TIGD1: variants seen among roughly 807,000 people sequenced by gnomAD.
The protein encoded by TIGD1 is tigger transposable element derived 1.
In TIGD1, 20 loss-of-function variants were observed where a neutral mutation model predicts 21.3. The ratio of observed to expected loss-of-function variants is 0.94; its 90% CI spans 0.66 to 1.36. The LOEUF (loss-of-function observed/expected upper bound fraction) is 1.36. Ranked by LOEUF, TIGD1 falls within the 40% of genes most tolerant of loss-of-function variation. TIGD1 has a pLI of 0.00. For synonymous variants in TIGD1, 177 were observed against 123.2 expected (o/e 1.44, Z -2.89); for missense variants, 556 against 350.5 (o/e 1.59, Z -4.68).
Position 232,548,733 on chromosome 2 carries a change from T to C in TIGD1, c.1150A>G (p.Ile384Val), listed in dbSNP as rs1024135328. ...FWKGFTILDAIKNIRDSWEEV... is the reference protein window; with the variant it reads ...FWKGFTILDAVKNIRDSWEEV... ...TCCCATGAATCACGAATGTTTTTAATGGCATCTAAAATGGTGAATCCTTTC... is the reference window on the plus strand; with the variant it reads ...TCCCATGAATCACGAATGTTTTTAACGGCATCTAAAATGGTGAATCCTTTC... Residue 384 changes from isoleucine (I) to valine (V), a missense_variant, in exon 1 of 1, where the codon ATT (isoleucine) becomes GTT (valine). Physicochemically the swap from Ile to Val is conservative, Grantham distance 29. Transcript: ENST00000408957. 1 of 504,650 alleles carries C rather than the reference T, an allele frequency of 2.0e-6. No homozygotes were observed. Among genetic ancestry groups the C allele is most frequent in the Non-Finnish European group, 3.8e-6 (1 of 262,414 alleles). The allele number at this position is 504,650 out of a possible 1,614,324, so 31.3% of individuals were successfully genotyped here.
At position 232,545,328 on chromosome 2, in the gene TIGD1, AAAAAG is replaced by A; in HGVS notation, c.*2774_*2778del. Among the ~76,000 whole-genome samples, 1 of 150,326 alleles carries A rather than the reference AAAAAG, an allele frequency of 6.7e-6. No homozygotes were observed. The highest frequency in any genetic ancestry group is 1.5e-5 in the Non-Finnish European group (1 of 67,554). ...CGTGAGACTCCGTCTCAAAAAAAAA[AAAAAG>A]GAAAGAAAGAAAGAAAAAGGAACAG... On this transcript the variant is annotated 3_prime_UTR_variant, in exon 1 of 1. Coordinates refer to ENST00000408957, the MANE Select transcript of TIGD1 (RefSeq NM_145702.4).
rs559878427 is a variant in TIGD1, at chr2:232,547,474, G to C, written c.*633C>G. The stretch of plus-strand genomic sequence containing the variant: ...AGAAAAGTGAAAGTGCCACATAAAG[G>C]CCTGACGACAGGATATGCTGGCAGG... On this transcript the variant is annotated 3_prime_UTR_variant, in exon 1 of 1. Coordinates refer to ENST00000408957, the MANE Select transcript of TIGD1 (RefSeq NM_145702.4). 1.3e-5 allele frequency among the ~76,000 whole-genome samples: 2 copies of C among 152,244 alleles called. No homozygotes were observed. The highest frequency in any genetic ancestry group is 4.8e-5 in the African/African-American group (2 of 41,540).
In TIGD1 at chr2:232,544,566, C is replaced by T. The variant is rs778354120; in HGVS notation, c.*3541G>A. The T allele has an allele frequency of 1.4e-5, 23 of 1,612,872 alleles. No individual in the cohort carries two copies. The highest frequency in any genetic ancestry group is 2.2e-5 in the East Asian group (1 of 44,864). On this transcript the variant is annotated 3_prime_UTR_variant, in exon 1 of 1. Transcript: ENST00000408957. Reference sequence around the variant, plus strand: ...CAGCGGCAAGGGCTGGTGGCGGCAGCGCTGGAGAAGCTAGGTGAGACACAC... The same window carrying T: ...CAGCGGCAAGGGCTGGTGGCGGCAGTGCTGGAGAAGCTAGGTGAGACACAC...
Position 232,545,842 on chromosome 2 carries a change from C to A in TIGD1, c.*2265G>T. 1 of 1,082,840 alleles carries A rather than the reference C, an allele frequency of 9.2e-7. No individual in the cohort carries two copies. Among genetic ancestry groups the A allele is most frequent in the Non-Finnish European group, 1.4e-6 (1 of 719,544 alleles). The allele number at this position is 1,082,840 out of a possible 1,614,324, so 67.1% of individuals were successfully genotyped here. On this transcript the variant is annotated 3_prime_UTR_variant, in exon 1 of 1. Transcript: ENST00000408957. ...GAAGTGCCCTTCAGGACTGTGTGAGCCAAACAGCCCTGAGAAAAGCTGGGG... is the reference window on the plus strand; with the variant it reads ...GAAGTGCCCTTCAGGACTGTGTGAGACAAACAGCCCTGAGAAAAGCTGGGG...
Position 232,549,108 on chromosome 2 carries a change from A to C in TIGD1, c.775T>G (p.Tyr259Asp), listed in dbSNP as rs754923442. ...NYTKSTLPVLYKWNSKARMTA... is the reference protein window; with the variant it reads ...NYTKSTLPVLDKWNSKARMTA... Reference sequence around the variant, plus strand: ...ATCCGGGCTTTGCTGTTCCATTTATATAGCACGGGTAGAGTAGATTTAGTA... The same window carrying C: ...ATCCGGGCTTTGCTGTTCCATTTATCTAGCACGGGTAGAGTAGATTTAGTA... Residue 259 changes from tyrosine to aspartate, a missense_variant, in exon 1 of 1, where the codon TAT becomes GAT. Coordinates refer to ENST00000408957, the MANE Select transcript of TIGD1 (RefSeq NM_145702.4). 1.3e-5 allele frequency: 9 copies of C among 716,016 alleles called. No individual in the cohort carries two copies. The African/African-American group carries it at 1.6e-4, about 13-fold the overall frequency. 44.4% of individuals were successfully genotyped at this position (716,016 alleles called of 1,614,324 possible). A position where few individuals can be genotyped will look rare whatever the true frequency, so the allele number is the denominator to read the frequency against.
Position 232,548,484 on chromosome 2 carries a change from T to C in TIGD1, c.1399A>G (p.Arg467Gly). Reference protein sequence around the residue: ...DEELFLMDAQRKWFLEMESTP... With the variant: ...DEELFLMDAQGKWFLEMESTP... ...GATTCCATCTCAAGAAACCACTTTC[T>C]TTGCGCATCCATAAGAAACAACTCC... Residue 467 changes from arginine to glycine, a missense_variant, in exon 1 of 1, where the codon AGA becomes GGA. Arg to Gly is a moderately radical substitution (Grantham distance 125). Coordinates refer to ENST00000408957, the MANE Select transcript of TIGD1 (RefSeq NM_145702.4). 4.5e-6 allele frequency: 3 copies of C among 666,582 alleles called. No homozygotes were observed. Among genetic ancestry groups the C allele is most frequent in the Non-Finnish European group, 8.1e-6 (3 of 372,582 alleles). The allele number at this position is 666,582 out of a possible 1,614,324, so 41.3% of individuals were successfully genotyped here.
At position 232,546,523 on chromosome 2, in the gene TIGD1, T is replaced by G. The variant is rs1439145404; in HGVS notation, c.*1584A>C. ...CCACTACACCCAGCTACTTTTAAAT[T>G]TTTAGTAGAGATGAGGTTTTGCTAT... On this transcript the variant is annotated 3_prime_UTR_variant, in exon 1 of 1. Transcript: ENST00000408957. 1 of 151,914 alleles carries G rather than the reference T, an allele frequency of 6.6e-6. No individual in the cohort carries two copies. Among genetic ancestry groups the G allele is most frequent in the Admixed American group, 6.6e-5 (1 of 15,254 alleles). The allele number at this position is 151,914 out of a possible 1,614,324, so 9.4% of individuals were successfully genotyped here. A position where few individuals can be genotyped will look rare whatever the true frequency, so the allele number is the denominator to read the frequency against.
rs1233474420 is a variant in TIGD1 at position 232,545,809 on chromosome 2, C to A, written c.*2298G>T. 3 of 1,420,102 alleles carry A rather than the reference C, an allele frequency of 2.1e-6. No homozygotes were observed. In the African/African-American group the frequency reaches 4.2e-5, roughly 20 times the overall value. 88.0% of individuals were successfully genotyped at this position (1,420,102 alleles called of 1,614,324 possible). A position where few individuals can be genotyped will look rare whatever the true frequency, so the allele number is the denominator to read the frequency against. The stretch of plus-strand genomic sequence containing the variant: ...TTCTCCTACTGAGGTCCTAAGTGTG[C>A]TCTTTGGGAAGTGCCCTTCAGGACT... On this transcript the variant is annotated 3_prime_UTR_variant, in exon 1 of 1. Coordinates refer to ENST00000408957, the MANE Select transcript of TIGD1 (RefSeq NM_145702.4).
In TIGD1 at chr2:232,549,123, T is replaced by A; in HGVS notation, c.760A>T (p.Thr254Ser). The A allele has an allele frequency of 1.4e-6, 1 of 715,950 alleles. No individual in the cohort carries two copies. Among genetic ancestry groups the A allele is most frequent in the Non-Finnish European group, 2.6e-6 (1 of 384,816 alleles). The allele number at this position is 715,950 out of a possible 1,614,324, so 44.3% of individuals were successfully genotyped here. The change falls in exon 1 of 1, where the codon ACT (threonine) becomes TCT (serine). Residue 254 changes from threonine to serine, a missense_variant. Physicochemically the swap from Thr to Ser is moderately conservative, Grantham distance 58 (BLOSUM62 1). Coordinates refer to ENST00000408957, the MANE Select transcript of TIGD1 (RefSeq NM_145702.4). ...TTCCATTTATATAGCACGGGTAGAG[T>A]AGATTTAGTATAATTCTTAAGGGCC... ...PRALKNYTKS[T>S]LPVLYKWNSK...
Position 232,550,352 on chromosome 2 carries a change from G to A in TIGD1, c.-470C>T. On this transcript the variant is annotated 5_prime_UTR_variant, in exon 1 of 1. The change creates a new upstream start codon in the 5' untranslated region. Coordinates refer to ENST00000408957, the MANE Select transcript of TIGD1 (RefSeq NM_145702.4). ...GGTCAAAAGAGATACCAGAGAGTGCGTCCCGCACTGGAGGAAGAGGAAGGT... is the reference window on the plus strand; with the variant it reads ...GGTCAAAAGAGATACCAGAGAGTGCATCCCGCACTGGAGGAAGAGGAAGGT... The A allele has an allele frequency of 2.4e-6, 1 of 408,500 alleles. No homozygotes were observed. 25.3% of individuals were successfully genotyped at this position (408,500 alleles called of 1,614,324 possible). A position where few individuals can be genotyped will look rare whatever the true frequency, so the allele number is the denominator to read the frequency against.
chr2:232,544,315 C>G lies in TIGD1; in HGVS notation c.*3792G>C. 1 of 1,403,974 alleles carries G rather than the reference C, an allele frequency of 7.1e-7. No individual in the cohort carries two copies. The highest frequency in any genetic ancestry group is 1.2e-5 in the South Asian group (1 of 86,822). 87.0% of individuals were successfully genotyped at this position (1,403,974 alleles called of 1,614,324 possible). A position where few individuals can be genotyped will look rare whatever the true frequency, so the allele number is the denominator to read the frequency against. On this transcript the variant is annotated 3_prime_UTR_variant, in exon 1 of 1. Transcript: ENST00000408957. Reference sequence around the variant, plus strand: ...ACAAGCCCTTCACGCCAACCTCTGGCTTCTGCTCTGAAGCTCGGCCTGCTG... The same window carrying G: ...ACAAGCCCTTCACGCCAACCTCTGGGTTCTGCTCTGAAGCTCGGCCTGCTG...
Position 232,544,256 on chromosome 2 carries a change from G to A in TIGD1, c.*3851C>T. The A allele has an allele frequency of 1.2e-6, 1 of 857,542 alleles. No homozygotes were observed. The highest frequency in any genetic ancestry group is 2.0e-6 in the Non-Finnish European group (1 of 503,646). 53.1% of individuals were successfully genotyped at this position (857,542 alleles called of 1,614,324 possible). A position where few individuals can be genotyped will look rare whatever the true frequency, so the allele number is the denominator to read the frequency against. On this transcript the variant is annotated 3_prime_UTR_variant, in exon 1 of 1. Coordinates refer to ENST00000408957, the MANE Select transcript of TIGD1 (RefSeq NM_145702.4). ...AAAGCTTTACCAAGGCCACGTCACT[G>A]CCCCGGTATGCTGCCTCCATGGTCC...
rs1692147091 is a variant in TIGD1 at position 232,547,149 on chromosome 2, G to C, written c.*958C>G. 6.6e-6 allele frequency among the ~76,000 whole-genome samples: 1 copy of C among 152,146 alleles called. No individual in the cohort carries two copies. Among genetic ancestry groups the C allele is most frequent in the Non-Finnish European group, 1.5e-5 (1 of 68,010 alleles). ...TGGCCAGGTGTGGTGGCTCACACCT[G>C]CAATCCCAGCACCTTGGGAGGACAA... On this transcript the variant is annotated 3_prime_UTR_variant, in exon 1 of 1. Coordinates refer to ENST00000408957, the MANE Select transcript of TIGD1 (RefSeq NM_145702.4).
Position 232,544,633 on chromosome 2 carries a change from G to T in TIGD1, c.*3474C>A. 1.3e-6 allele frequency: 2 copies of T among 1,579,638 alleles called. No individual in the cohort carries two copies. Among genetic ancestry groups the T allele is most frequent in the South Asian group, 1.1e-5 (1 of 90,294 alleles). The stretch of plus-strand genomic sequence containing the variant: ...CAGTCCTCCCCTGGGACCCCAGCTG[G>T]GGAGCCAGGCACAGCAGATGAGTGC... On this transcript the variant is annotated 3_prime_UTR_variant, in exon 1 of 1. Transcript: ENST00000408957.
In TIGD1 at chr2:232,550,160, A is replaced by C. The variant is rs934315700; in HGVS notation, c.-278T>G. On this transcript the variant is annotated 5_prime_UTR_variant, in exon 1 of 1. Coordinates refer to ENST00000408957, the MANE Select transcript of TIGD1 (RefSeq NM_145702.4). ...AATTACCAAAATGTAACACAGAGAC[A>C]CCAAGTGAGCACATGCTGTTGGAAA... 2 of 364,460 alleles carry C rather than the reference A, an allele frequency of 5.5e-6. No homozygotes were observed. The highest frequency in any genetic ancestry group is 4.2e-5 in the African/African-American group (2 of 47,346). 22.6% of individuals were successfully genotyped at this position (364,460 alleles called of 1,614,324 possible).
rs1692218758 is a variant in TIGD1, at chr2:232,549,346, AG to A, written c.536del (p.Thr179IlefsTer8). On this transcript the variant is annotated frameshift_variant, in exon 1 of 1. Transcript: ENST00000408957. LOFTEE classifies it high-confidence loss of function. The part of the protein sequence containing the change: ...LAKIIDEGGY[T>X]KQQIFNVDET... ...CATCTACATTGAAAATCTGTTGTTT[AG>A]TGTAGCCACCTTCGTCAATGATCTT... 1.8e-5 allele frequency: 12 copies of A among 653,250 alleles called. No individual in the cohort carries two copies. In the East Asian group the frequency reaches 3.4e-4, roughly 18 times the overall value. The allele number at this position is 653,250 out of a possible 1,614,324, so 40.5% of individuals were successfully genotyped here. A position where few individuals can be genotyped will look rare whatever the true frequency, so the allele number is the denominator to read the frequency against.
chr2:232,544,302 C>T lies in TIGD1; in HGVS notation c.*3805G>A, dbSNP rs1376318641. On this transcript the variant is annotated 3_prime_UTR_variant, in exon 1 of 1. Coordinates refer to ENST00000408957, the MANE Select transcript of TIGD1 (RefSeq NM_145702.4). ...GGTCCCTAGCAGCACAAGCCCTTCA[C>T]GCCAACCTCTGGCTTCTGCTCTGAA... 6.3e-6 allele frequency: 8 copies of T among 1,276,476 alleles called. No individual in the cohort carries two copies. The highest frequency in any genetic ancestry group is 2.3e-5 in the East Asian group (1 of 43,370). 79.1% of individuals were successfully genotyped at this position (1,276,476 alleles called of 1,614,324 possible). A position where few individuals can be genotyped will look rare whatever the true frequency, so the allele number is the denominator to read the frequency against.
In TIGD1 at chr2:232,549,502, T is replaced by C. The variant is rs1205465657; in HGVS notation, c.381A>G (p.Glu127=). ...KAERGVEAAE[E]KFEASRGWFM... ...ACCAACCTCTGCTAGCTTCAAACTT[T>C]TCTTCTGCAGCTTCCACACCTCTCT... is the stretch of plus-strand genomic sequence containing the variant. The change falls in exon 1 of 1, where the codon GAA becomes GAG. Residue 127 remains glutamate (E), a synonymous_variant. Coordinates refer to ENST00000408957, the MANE Select transcript of TIGD1 (RefSeq NM_145702.4). 1 of 680,618 alleles carries C rather than the reference T, an allele frequency of 1.5e-6. No homozygotes were observed. The highest frequency in any genetic ancestry group is 2.7e-5 in the East Asian group (1 of 37,196). 42.2% of individuals were successfully genotyped at this position (680,618 alleles called of 1,614,324 possible).
Position 232,549,862 on chromosome 2 carries a change from A to T in TIGD1, c.21T>A (p.Ser7Arg), listed in dbSNP as rs1692240877. Residue 7 changes from serine to arginine, a missense_variant, in exon 1 of 1, where the codon AGT (serine) becomes AGA (arginine). Ser to Arg is a moderately radical substitution (Grantham distance 110). Transcript: ENST00000408957. Reference protein sequence around the residue: MASKCSSERKSRTSLTL... With the variant: MASKCSRERKSRTSLTL... ...TGAGAGATGTGCGACTCTTCCTTTC[A>T]CTTGAGCACTTAGAGGCCATTGCAG... 6.6e-7 allele frequency: 1 copy of T among 1,510,436 alleles called. No homozygotes were observed. The highest frequency in any genetic ancestry group is 8.9e-7 in the Non-Finnish European group (1 of 1,123,120). The allele number at this position is 1,510,436 out of a possible 1,614,324, so 93.6% of individuals were successfully genotyped here.
Sources: allele counts gnomAD v4.1 joint callset (sites outside exome capture counted in the v4.1 genomes callset), GRCh38; gene constraint gnomAD v4.1.1; transcripts MANE v1.5; gene names NCBI Gene and HGNC (gene_info 2026-07-23, HGNC 2026-07-21).